Variants in PXDNL observed in about 807,000 individuals in gnomAD.
PXDNL encodes probable oxidoreductase PXDNL.
A neutral mutation model predicts 150.8 loss-of-function variants in PXDNL; 145 were observed. That is an observed-to-expected ratio of 0.96 (90% confidence interval 0.84 to 1.10). The LOEUF (loss-of-function observed/expected upper bound fraction) is 1.10. Among genes scored for constraint, PXDNL ranks in the 50% least tolerant of loss-of-function variants. PXDNL has a pLI of 0.00. For missense variants in PXDNL, 2,087 were observed against 1,873.9 expected (o/e 1.11, Z -2.10); for synonymous variants, 757 against 725.7 (o/e 1.04, Z -0.69).
intron 1 of PXDNL, among the ~76,000 whole-genome samples, chr8:51,748,107 C>G (rs1203623746): frequency 6.6e-6 from 1 of 152,152 alleles, no homozygotes; most frequent in Non-Finnish European, 1.5e-5. Context: ...TAGTGTAGGA[C>G]ACAGTCAGAG....
chr8:51,744,059 AAGGAAG>A lies in PXDNL; in HGVS notation c.164+65116_164+65121del, dbSNP rs1563307067. Among the ~76,000 whole-genome samples the A allele has an allele frequency of 5.4e-3, 385 of 71,160 alleles. 7 individuals are homozygous for A. The highest frequency in any genetic ancestry group is 0.011 in the Middle Eastern group (2 of 174). The allele number at this position is 71,160 out of a possible 152,430, so 46.7% of individuals were successfully genotyped here. ...GAAGGAAGGAAGGAAGGAAGGAAGG[AAGGAAG>A]GAAGGAAGGAAGGAAGGAAGGAAGG... On this transcript the variant is annotated intron_variant, in intron 1 of 22. Coordinates refer to ENST00000356297, the MANE Select transcript of PXDNL (RefSeq NM_144651.5).
chr8:51,451,153 T>C (rs1009313999), intron 10 of PXDNL, among the ~76,000 whole-genome samples: 1 of 151,248 alleles, frequency 6.6e-6, no homozygotes, highest in Admixed American at 6.6e-5. Context: ...TTATTAAAAA[T>C]ATTAACATTT....
Position 51,408,723 on chromosome 8 carries a change from C to A in PXDNL, c.2901G>T (p.Leu967=). 1 of 1,592,218 alleles carries A rather than the reference C, an allele frequency of 6.3e-7. No homozygotes were observed. Among genetic ancestry groups the A allele is most frequent in the Admixed American group, 1.8e-5 (1 of 56,912 alleles). The change falls in exon 17 of 23, where the codon CTG becomes CTT. Residue 967 remains leucine, a synonymous_variant. Transcript: ENST00000356297. ...GGAACCACAGGGTGTGCATGGCGGC[C>A]AGAGCCAGATGCTCGTTGGCCCGGT... is the stretch of plus-strand genomic sequence containing the variant. ...GDHRANEHLA[L]AAMHTLWFRE...
intron 3 of PXDNL, among the ~76,000 whole-genome samples, chr8:51,587,609 C>A (rs187039229): frequency 1.6e-3 from 249 of 152,264 alleles, no homozygotes; most frequent in African/African-American, 5.8e-3. Context: ...AATATACAAG[C>A]ACTATAACTA....
chr8:51,377,105 TACACACACACACAC>T (rs772419401), intron 17 of PXDNL, among the ~76,000 whole-genome samples: 8 of 140,700 alleles, frequency 5.7e-5, no homozygotes, highest in South Asian at 2.4e-4. Context: ...CTCTACCCTT[TACACACACACACAC>T]ACACACACAC....
rs370895912 is a variant in PXDNL at position 51,552,468 on chromosome 8, G to GTA, written c.380+4370_380+4371dup. On this transcript the variant is annotated intron_variant, in intron 4 of 22. Coordinates refer to ENST00000356297, the MANE Select transcript of PXDNL (RefSeq NM_144651.5). ...CCAACAAGTGGAAAACGAAAATGTG[G>GTA]TATATATATATACCATGAAATACTA... 9.0e-3 allele frequency among the ~76,000 whole-genome samples: 1,369 copies of GTA among 152,024 alleles called. 6 individuals are homozygous for GTA. The highest frequency in any genetic ancestry group is 0.012 in the Non-Finnish European group (798 of 67,966).
At chr8:51,621,299 A>G (rs1212555433) in intron 2 of PXDNL, among the ~76,000 whole-genome samples, 1 of 152,228 alleles carries the variant, frequency 6.6e-6, no homozygotes, top group Non-Finnish European at 1.5e-5. Flanking sequence ...TGTATAATAT[A>G]AATAGAATGA....
intron 1 of PXDNL, among the ~76,000 whole-genome samples, chr8:51,692,023 C>T (rs1345908418): frequency 3.3e-5 from 5 of 152,194 alleles, no homozygotes; most frequent in East Asian, 1.9e-4. Flanking sequence ...AAAGTAGACT[C>T]GTGCTGTTGC....
intron 17 of PXDNL, among the ~76,000 whole-genome samples, chr8:51,399,520 G>C (rs1005911223): frequency 1.1e-4 from 16 of 152,172 alleles, no homozygotes; most frequent in African/African-American, 3.4e-4. Context: ...TTCTAGAAGA[G>C]ACAAAATGAA....
intron 14 of PXDNL, among the ~76,000 whole-genome samples, chr8:51,415,045 A>G (rs1808758545): frequency 6.6e-6 from 1 of 152,158 alleles, no homozygotes; most frequent in Admixed American, 6.5e-5. Flanking sequence ...GATTGTATTT[A>G]GAGCCTTCTT....
intron 3 of PXDNL, among the ~76,000 whole-genome samples, chr8:51,568,569 T>C (rs6473625): frequency 0.48 from 72,560 of 151,614 alleles, 21,808 homozygotes; most frequent in African/African-American, 0.85. Context: ...ATATGCTATG[T>C]CTAGGTGTAG....
At chr8:51,486,783 TATATATATATA>T (rs1302197751) in intron 5 of PXDNL, among the ~76,000 whole-genome samples, 398 of 23,720 alleles carry the variant, frequency 0.017, 15 homozygotes, top group East Asian at 0.045. Context: ...TATATATATA[TATATATATATA>T]TTTTTTTTTT....
At chr8:51,357,542 T>C (rs1389201108) in intron 19 of PXDNL, among the ~76,000 whole-genome samples, 6 of 152,222 alleles carry the variant, frequency 3.9e-5, no homozygotes, top group Non-Finnish European at 8.8e-5. Context: ...TATTTTTTCA[T>C]ACATATTTAG....
intron 3 of PXDNL, among the ~76,000 whole-genome samples, chr8:51,582,678 GT>G (rs1250604067): frequency 2.6e-5 from 4 of 152,014 alleles, no homozygotes; most frequent in African/African-American, 7.2e-5. Context: ...GTAAAATGAT[GT>G]TTTTTTAAAT....
At chr8:51,630,464 G>A (rs1025876213) in intron 2 of PXDNL, among the ~76,000 whole-genome samples, 6 of 151,894 alleles carry the variant, frequency 4.0e-5, no homozygotes, top group African/African-American at 9.7e-5. Flanking sequence ...GAGCTTCTAC[G>A]CAGCAAAATA....
chr8:51,757,493 T>C (rs2037114855), intron 1 of PXDNL, among the ~76,000 whole-genome samples: 1 of 152,240 alleles, frequency 6.6e-6, no homozygotes, highest in South Asian at 2.1e-4. Context: ...TTGTGATTTA[T>C]TCTTGTGATT....
At chr8:51,557,037 A>T (rs541635445) in intron 3 of PXDNL, 126 bp from the exon 4 acceptor site, 134 of 608,720 alleles carry the variant, frequency 2.2e-4, no homozygotes, top group Admixed American at 1.3e-3. Flanking sequence ...AGATTCTCTA[A>T]CAATATATAG....
intron 17 of PXDNL, among the ~76,000 whole-genome samples, chr8:51,387,640 T>A (rs1345905647): frequency 6.6e-6 from 1 of 152,226 alleles, no homozygotes; most frequent in Non-Finnish European, 1.5e-5. Context: ...ATAAAGTAGA[T>A]ATAATACATA....
intron 1 of PXDNL, among the ~76,000 whole-genome samples, chr8:51,725,235 A>C (rs1816800749): frequency 6.6e-6 from 1 of 152,182 alleles, no homozygotes; most frequent in Non-Finnish European, 1.5e-5. Context: ...CAATAGCCCC[A>C]TCCTCATTCC....
Sources: gnomAD v4.1 joint callset for allele counts (sites outside exome capture counted in the v4.1 genomes callset) on GRCh38, gnomAD v4.1.1 for gene constraint, MANE v1.5 for transcripts, NCBI Gene and HGNC (gene_info 2026-07-23, HGNC 2026-07-21) for gene names.